LRP8: variants seen among roughly 807,000 people sequenced by gnomAD.
LRP8 encodes low-density lipoprotein receptor-related protein 8.
LRP8 carries 46 observed loss-of-function variants against 111.6 expected under a neutral mutation model. That is an observed-to-expected ratio of 0.41 (90% CI 0.33 to 0.53). The LOEUF is 0.53. Among genes scored for constraint, LRP8 ranks in the 20% least tolerant of loss-of-function variants. The pLI is 0.20. For missense variants in LRP8, 959 were observed against 1,297.4 expected, an observed-to-expected ratio of 0.74 and a Z score of 4.01; for synonymous variants, 464 against 511.2, an observed-to-expected ratio of 0.91 and a Z score of 1.24.
At chr1:53,278,333 G>A (rs552813494) in intron 4 of LRP8, among the ~76,000 whole-genome samples, 2 of 152,338 alleles carry the variant, frequency 1.3e-5, no homozygotes. Context: ...GCCCCGGGAT[G>A]GGGGTAGGCC....
intron 2 of LRP8, among the ~76,000 whole-genome samples, chr1:53,308,898 A>T (rs1652486363): frequency 1.3e-5 from 2 of 152,138 alleles, no homozygotes; most frequent in African/African-American, 4.8e-5. Context: ...ATGCTACGTG[A>T]CCCTGGGTGT....
At chr1:53,289,871 T>C (rs1394894390) in intron 2 of LRP8, among the ~76,000 whole-genome samples, 182 bp from the exon 3 acceptor site, 1 of 152,174 alleles carries the variant, frequency 6.6e-6, no homozygotes, top group African/African-American at 2.4e-5. Flanking sequence ...ACAGGTGACA[T>C]TCTGCTCTGC....
rs542773121 is a variant in LRP8, at chr1:53,323,054, G to T, written c.244+3819C>A. On this transcript the variant is annotated intron_variant, in intron 2 of 18. Coordinates refer to ENST00000306052, the MANE Select transcript of LRP8 (RefSeq NM_004631.5). ...GTCCACCTGTCTACCCAGCCTTTCC[G>T]CGAGAAGCACAGAACTTCCTAGAGG... 7.9e-5 allele frequency among the ~76,000 whole-genome samples: 12 copies of T among 152,270 alleles called. No individual in the cohort carries two copies. In the East Asian group the frequency reaches 1.4e-3, roughly 17 times the overall value.
intron 13 of LRP8, among the ~76,000 whole-genome samples, chr1:53,259,916 C>G (rs926238965): frequency 2.0e-5 from 3 of 152,188 alleles, no homozygotes; most frequent in Admixed American, 2.0e-4. Flanking sequence ...CCCTGGCAGC[C>G]AACACTTCAG....
In LRP8 at chr1:53,264,345, G is replaced by A. The variant is rs762057271; in HGVS notation, c.1479C>T (p.Asp493=). The change falls in exon 10 of 19, where the codon GAC becomes GAT. Residue 493 remains aspartate, a synonymous_variant. Coordinates refer to ENST00000306052, the MANE Select transcript of LRP8 (RefSeq NM_004631.5). ...GGCCCTCTGGAGAGTGCAACTGCTCGTCAATGAGGACCTCCTGCTCTTTCG... is the reference window on the plus strand; with the variant it reads ...GGCCCTCTGGAGAGTGCAACTGCTCATCAATGAGGACCTCCTGCTCTTTCG... ...SDPKEQEVLI[D]EQLHSPEGLA... 33 of 1,613,932 alleles carry A rather than the reference G, an allele frequency of 2.0e-5. 1 individual carries two copies. The highest frequency in any genetic ancestry group is 5.0e-5 in the Admixed American group (3 of 59,988).
chr1:53,314,994 C>T (rs1423464797), intron 2 of LRP8, among the ~76,000 whole-genome samples: 1 of 152,198 alleles, frequency 6.6e-6, no homozygotes, highest in Non-Finnish European at 1.5e-5. Flanking sequence ...CCTGGCTGAC[C>T]ATGCACCATG....
intron 2 of LRP8, among the ~76,000 whole-genome samples, chr1:53,289,945 C>G (rs1345422532): frequency 1.3e-5 from 2 of 152,226 alleles, no homozygotes; most frequent in Non-Finnish European, 2.9e-5. Context: ...CACCACACTC[C>G]TGCTTCCCCT....
intron 2 of LRP8, among the ~76,000 whole-genome samples, chr1:53,313,327 C>A (rs776079731): frequency 3.9e-5 from 6 of 152,172 alleles, no homozygotes; most frequent in Non-Finnish European, 7.3e-5. Flanking sequence ...CAGGGACTCA[C>A]AGAAAACCAC....
chr1:53,253,388 T>C (rs1323942287), intron 16 of LRP8, among the ~76,000 whole-genome samples: 1 of 152,166 alleles, frequency 6.6e-6, no homozygotes, highest in Non-Finnish European at 1.5e-5. Flanking sequence ...TGTATAAATA[T>C]TTCTATAAAT....
At position 53,244,577 on chromosome 1, in the gene LRP8, C is replaced by G. The variant is rs897023273; in HGVS notation, c.*2441G>C. On this transcript the variant is annotated 3_prime_UTR_variant, in exon 19 of 19. Transcript: ENST00000306052. ...GGGTTGCTCCCATTGCTGCCTCTTT[C>G]AAACTGCAGTTGTAGCATATGCAGG... 3 of 152,206 alleles carry G rather than the reference C, an allele frequency of 2.0e-5. No homozygotes were observed. Among genetic ancestry groups the G allele is most frequent in the Non-Finnish European group, 4.4e-5 (3 of 68,030 alleles). 9.4% of individuals were successfully genotyped at this position (152,206 alleles called of 1,614,324 possible). A position where few individuals can be genotyped will look rare whatever the true frequency, so the allele number is the denominator to read the frequency against.
chr1:53,292,232 T>C (rs745742734), intron 2 of LRP8: 2 of 152,246 alleles, frequency 1.3e-5, no homozygotes, highest in African/African-American at 2.4e-5. Flanking sequence ...GCAGTACATC[T>C]GCATTCTAAG....
chr1:53,257,103 CCT>C (rs1646122222), intron 15 of LRP8, 135 bp downstream of exon 15: 1 of 785,360 alleles, frequency 1.3e-6, no homozygotes, highest in Admixed American at 2.4e-5. Context: ...ACTCTACCTC[CCT>C]CTCAGATATG....
At position 53,317,187 on chromosome 1, in the gene LRP8, G is replaced by A. The variant is rs749477250; in HGVS notation, c.244+9686C>T. Among the ~76,000 whole-genome samples, 1 of 152,152 alleles carries A rather than the reference G, an allele frequency of 6.6e-6. No homozygotes were observed. The highest frequency in any genetic ancestry group is 1.5e-5 in the Non-Finnish European group (1 of 68,024). On this transcript the variant is annotated intron_variant, in intron 2 of 18. Transcript: ENST00000306052. This position sits in a 1 kb window ranked among gnomAD's most constrained non-coding sequence, Gnocchi z 4.9. ...GGAGGGAGGGAGGGGAGGAGTGCTG[G>A]CTTGAATGTCCCTGGATTCAGGCCA...
At chr1:53,327,552 C>T (rs1018153673) in intron 1 of LRP8, among the ~76,000 whole-genome samples, 1 of 152,200 alleles carries the variant, frequency 6.6e-6, no homozygotes, top group African/African-American at 2.4e-5. Flanking sequence ...GCTGGCCAAG[C>T]CCCCCTGCAC....
intron 12 of LRP8, among the ~76,000 whole-genome samples, chr1:53,260,907 A>G (rs1013273344): frequency 1.3e-5 from 2 of 152,204 alleles, no homozygotes; most frequent in African/African-American, 2.4e-5. Flanking sequence ...TTAAATCTCT[A>G]TAGCATTATC....
Position 53,243,326 on chromosome 1 carries a change from C to T in LRP8, c.*3692G>A, listed in dbSNP as rs920578814. 4.6e-5 allele frequency: 7 copies of T among 152,188 alleles called. No homozygotes were observed. Among genetic ancestry groups the T allele is most frequent in the Admixed American group, 3.3e-4 (5 of 15,298 alleles). 9.4% of individuals were successfully genotyped at this position (152,188 alleles called of 1,614,324 possible). A position where few individuals can be genotyped will look rare whatever the true frequency, so the allele number is the denominator to read the frequency against. On this transcript the variant is annotated 3_prime_UTR_variant, in exon 19 of 19. Coordinates refer to ENST00000306052, the MANE Select transcript of LRP8 (RefSeq NM_004631.5). ...CAGTTGAGAAAATCTAAGAGGCTCT[C>T]GACAACATGGCATGCATCTGTGAAA...
Position 53,266,371 on chromosome 1 carries a change from C to T in LRP8, c.1427+102G>A. The stretch of plus-strand genomic sequence containing the variant: ...ATCTCTTCCCAAGTCCCAACTCTGT[C>T]CTGAGGAGCTCTAGAGGCAGACACC... On this transcript the variant is annotated intron_variant, in intron 9 of 18. Coordinates refer to ENST00000306052, the MANE Select transcript of LRP8 (RefSeq NM_004631.5). This position sits in a 1 kb window ranked among gnomAD's most constrained non-coding sequence, Gnocchi z 5.0. 8.0e-7 allele frequency: 1 copy of T among 1,249,318 alleles called. No individual in the cohort carries two copies. The highest frequency in any genetic ancestry group is 1.1e-6 in the Non-Finnish European group (1 of 874,290). The allele number at this position is 1,249,318 out of a possible 1,614,324, so 77.4% of individuals were successfully genotyped here.
rs780980761 is a variant in LRP8, at chr1:53,262,103, A to G, written c.1879T>C (p.Phe627Leu). The change falls in exon 12 of 19, where the codon TTC becomes CTC. Residue 627 changes from phenylalanine (F) to leucine (L), a missense_variant. This residue lies in a region of LRP8 where 819 missense variants were observed against 1,097.6 expected (regional missense o/e 0.75). Transcript: ENST00000306052. This position sits in a 1 kb window ranked among gnomAD's most constrained non-coding sequence, Gnocchi z 4.8. Reference sequence around the variant, plus strand: ...GCTATCCCAAAAGGGTGGCTCAGGAAGTCAGTGGAGGAGATCAGCGTCTTT... The same window carrying G: ...GCTATCCCAAAAGGGTGGCTCAGGAGGTCAGTGGAGGAGATCAGCGTCTTT... ...NRKTLISSTD[F>L]LSHPFGIAVF... is the part of the protein sequence containing the mutation. 1 of 1,614,208 alleles carries G rather than the reference A, an allele frequency of 6.2e-7. No homozygotes were observed.
intron 16 of LRP8, among the ~76,000 whole-genome samples, chr1:53,251,081 C>T (rs1184449626): frequency 6.6e-6 from 1 of 152,180 alleles, no homozygotes; most frequent in African/African-American, 2.4e-5. Flanking sequence ...GAAGTCTTCC[C>T]CAACTGTGGG....
Sources: allele counts gnomAD v4.1 joint callset (sites outside exome capture counted in the v4.1 genomes callset), GRCh38; gene constraint gnomAD v4.1.1; regional missense constraint gnomAD v4.1.1; non-coding constraint Gnocchi (gnomAD v3.1); transcripts MANE v1.5; gene names NCBI Gene and HGNC (gene_info 2026-07-23, HGNC 2026-07-21).